Variants in DLGAP2 observed in about 807,000 individuals in gnomAD.
DLGAP2 encodes disks large-associated protein 2.
In DLGAP2, 26 loss-of-function variants were observed where a neutral mutation model predicts 100.3. The ratio of observed to expected loss-of-function variants is 0.26; its 90% CI spans 0.19 to 0.36. DLGAP2 has a LOEUF of 0.36. Among genes scored for constraint, DLGAP2 ranks in the 10% least tolerant of loss-of-function variants. DLGAP2 has a pLI of 1.00. For synonymous variants in DLGAP2, 886 were observed against 630.1 expected, an observed-to-expected ratio of 1.41 and a Z score of -6.08; for missense variants, 1,858 against 1,453.2, an observed-to-expected ratio of 1.28 and a Z score of -4.53.
intron 2 of DLGAP2, among the ~76,000 whole-genome samples, chr8:1,027,687 G>T (rs1435852071): frequency 6.8e-6 from 1 of 146,252 alleles, no homozygotes; most frequent in Non-Finnish European, 1.5e-5. Context: ...GGTGCCAGGC[G>T]CCCGTTATTC....
chr8:1,675,277 G>A (rs758079812), intron 10 of DLGAP2, among the ~76,000 whole-genome samples: 1 of 152,216 alleles, frequency 6.6e-6, no homozygotes. Context: ...TGGGGTCAGA[G>A]AGATCCCGGC....
intron 2 of DLGAP2, among the ~76,000 whole-genome samples, chr8:982,726 A>T (rs185895828): frequency 6.6e-6 from 1 of 152,124 alleles, no homozygotes; most frequent in Non-Finnish European, 1.5e-5. Flanking sequence ...TGACCTAACC[A>T]ATAAGTCTCT....
rs997458891 is a variant in DLGAP2 at position 1,501,219 on chromosome 8, G to T, written c.107-147G>T. 2.0e-5 allele frequency: 16 copies of T among 793,424 alleles called. No individual in the cohort carries two copies. The African/African-American group carries it at 2.4e-4, about 12-fold the overall frequency. 49.1% of individuals were successfully genotyped at this position (793,424 alleles called of 1,614,324 possible). A position where few individuals can be genotyped will look rare whatever the true frequency, so the allele number is the denominator to read the frequency against. ...CCTGAGGTTATTGGCACAAAATGCT[G>T]GGCTCTGAGCGGTGACGTTTGAAGA... is the stretch of plus-strand genomic sequence containing the variant. On this transcript the variant is annotated intron_variant, in intron 3 of 14. Transcript: ENST00000637795.
At chr8:893,523 G>A (rs898034706) in intron 1 of DLGAP2, among the ~76,000 whole-genome samples, 1 of 152,236 alleles carries the variant, frequency 6.6e-6, no homozygotes, top group East Asian at 1.9e-4. Flanking sequence ...ATGAAGGGGA[G>A]GGTGGGGTTA....
At chr8:1,277,130 T>A (rs1199915870) in intron 3 of DLGAP2, among the ~76,000 whole-genome samples, 4 of 152,232 alleles carry the variant, frequency 2.6e-5, no homozygotes, top group Non-Finnish European at 5.9e-5. Flanking sequence ...CATTCATGAT[T>A]ATTTCCTTAG....
At chr8:1,041,421 C>T (rs974427331) in intron 2 of DLGAP2, among the ~76,000 whole-genome samples, 2 of 152,226 alleles carry the variant, frequency 1.3e-5, no homozygotes, top group African/African-American at 2.4e-5. Flanking sequence ...GAGACAGAGC[C>T]TGTTTCAAAG....
At chr8:1,221,744 G>C (rs191938930) in intron 2 of DLGAP2, among the ~76,000 whole-genome samples, 34 of 152,248 alleles carry the variant, frequency 2.2e-4, no homozygotes, top group African/African-American at 5.1e-4. Flanking sequence ...GCGAGTCATA[G>C]GTTTGCTCTC....
chr8:800,909 C>T (rs1796138079), intron 1 of DLGAP2, among the ~76,000 whole-genome samples: 1 of 151,894 alleles, frequency 6.6e-6, no homozygotes, highest in South Asian at 2.1e-4. Context: ...GTGTCCTCGC[C>T]CCCTCAAATG....
intron 12 of DLGAP2, among the ~76,000 whole-genome samples, chr8:1,690,389 C>A (rs1739430209): frequency 6.6e-6 from 1 of 151,280 alleles, no homozygotes; most frequent in African/African-American, 2.4e-5. Context: ...AATAAACACA[C>A]ACACATACAG....
At chr8:1,330,802 G>A (rs1405791265) in intron 3 of DLGAP2, among the ~76,000 whole-genome samples, 3 of 145,830 alleles carry the variant, frequency 2.1e-5, no homozygotes, top group Non-Finnish European at 4.5e-5. Flanking sequence ...TGCTTCACGG[G>A]GACCGAGTTC....
intron 3 of DLGAP2, among the ~76,000 whole-genome samples, chr8:1,273,603 T>C (rs1247871220): frequency 6.6e-6 from 1 of 152,218 alleles, no homozygotes; most frequent in East Asian, 1.9e-4. Context: ...CAGAGGCAGC[T>C]CCATCCTTCC....
intron 2 of DLGAP2, among the ~76,000 whole-genome samples, chr8:1,142,911 G>C (rs908934204): frequency 6.6e-6 from 1 of 152,154 alleles, no homozygotes; most frequent in African/African-American, 2.4e-5. Context: ...GCCAAGAGGG[G>C]TCGTATCCCC....
At chr8:1,475,714 G>C (rs2130223197) in intron 3 of DLGAP2, among the ~76,000 whole-genome samples, 1 of 152,314 alleles carries the variant, frequency 6.6e-6, no homozygotes, top group South Asian at 2.1e-4. Flanking sequence ...CAGAACACGA[G>C]TGGCACCTGC....
chr8:1,698,342 G>C (rs1363915307), intron 14 of DLGAP2, among the ~76,000 whole-genome samples: 1 of 151,712 alleles, frequency 6.6e-6, no homozygotes, highest in African/African-American at 2.4e-5. Flanking sequence ...CCATGTGTGG[G>C]ACTAGGCAGG....
At chr8:755,061 C>G (rs1445029006) in intron 1 of DLGAP2, among the ~76,000 whole-genome samples, 1 of 152,158 alleles carries the variant, frequency 6.6e-6, no homozygotes, top group East Asian at 1.9e-4. Flanking sequence ...ACTGATGAGT[C>G]ATTCATTCAT....
At chr8:1,612,802 C>A (rs1440913883) in intron 6 of DLGAP2, among the ~76,000 whole-genome samples, 1 of 105,082 alleles carries the variant, frequency 9.5e-6, no homozygotes, top group Admixed American at 1.1e-4. Flanking sequence ...TGCTCATCAT[C>A]ACTGGCCATC....
chr8:1,557,294 A>T (rs753371494), intron 5 of DLGAP2, among the ~76,000 whole-genome samples: 3 of 152,154 alleles, frequency 2.0e-5, no homozygotes, highest in African/African-American at 7.2e-5. Flanking sequence ...GGGGGCTCAC[A>T]ATAGGGGCTT....
intron 1 of DLGAP2, among the ~76,000 whole-genome samples, chr8:840,765 C>G (rs1796969197): frequency 6.6e-6 from 1 of 152,118 alleles, no homozygotes; most frequent in South Asian, 2.1e-4. Flanking sequence ...ACTCTGGATT[C>G]TGCGAGCGCG....
chr8:1,003,782 T>TC (rs1046325054), intron 2 of DLGAP2, among the ~76,000 whole-genome samples: 4 of 152,034 alleles, frequency 2.6e-5, no homozygotes. Context: ...AGCACCTTGG[T>TC]CCCCCCATAC....
Sources: gnomAD v4.1 joint callset for allele counts (sites outside exome capture counted in the v4.1 genomes callset) on GRCh38, gnomAD v4.1.1 for gene constraint, MANE v1.5 for transcripts, NCBI Gene and HGNC (gene_info 2026-07-23, HGNC 2026-07-21) for gene names.